Variants in C4orf51 observed in about 807,000 individuals in gnomAD.
C4orf51 encodes the protein uncharacterized protein C4orf51.
C4orf51 carries 25 observed loss-of-function variants against 25.2 expected under a neutral mutation model. The ratio of observed to expected loss-of-function variants is 0.99; its 90% CI spans 0.72 to 1.39. The LOEUF (loss-of-function observed/expected upper bound fraction) is 1.39. C4orf51 is among the 40% of genes most tolerant of loss of function. The pLI, the probability that C4orf51 is intolerant of heterozygous loss-of-function variation, is 0.00. For missense variants in C4orf51, 252 were observed against 239.6 expected (o/e 1.05, Z -0.34); for synonymous variants, 100 against 84.5 (o/e 1.18, Z -1.01).
the C4orf51 span, among the ~76,000 whole-genome samples, chr4:145,777,518 T>C: frequency 6.6e-6 from 1 of 152,228 alleles, no homozygotes; most frequent in Non-Finnish European, 1.5e-5. Flanking sequence ...GGGTCAATTT[T>C]AGTCATTCTG....
At position 145,765,842 on chromosome 4, in the gene C4orf51, G is replaced by A. The variant is rs1735204835; in HGVS notation, n.167-5146G>A. The A allele has an allele frequency of 3.3e-6, 4 of 1,196,302 alleles. No individual in the cohort carries two copies. Among genetic ancestry groups the A allele is most frequent in the African/African-American group, 3.1e-5 (2 of 65,284 alleles). The allele number at this position is 1,196,302 out of a possible 1,614,324, so 74.1% of individuals were successfully genotyped here. A position where few individuals can be genotyped will look rare whatever the true frequency, so the allele number is the denominator to read the frequency against. ...AGTCTCATGGATGCATCATCATTCTGGGGGCACAGGCTCATGTCCCCAGCT... is the reference window on the plus strand; with the variant it reads ...AGTCTCATGGATGCATCATCATTCTAGGGGCACAGGCTCATGTCCCCAGCT... On this transcript the variant is annotated intron_variant and non_coding_transcript_variant, in intron 1 of 1. Coordinates refer to the C4orf51 transcript ENST00000510096. This position sits in a 1 kb window ranked among gnomAD's most constrained non-coding sequence, Gnocchi z 4.7.
intron 2 of C4orf51, among the ~76,000 whole-genome samples, chr4:145,724,684 C>T (rs1731940981): frequency 6.6e-6 from 1 of 151,746 alleles, no homozygotes; most frequent in African/African-American, 2.4e-5. Context: ...GAGTTCGAGA[C>T]CAGCCTGGGT....
At chr4:145,769,240 A>T (rs1178962582) in intron 1 of C4orf51, among the ~76,000 whole-genome samples, 1 of 150,494 alleles carries the variant, frequency 6.6e-6, no homozygotes, top group African/African-American at 2.5e-5. Context: ...ATGACTTTAG[A>T]CTACAGACTT....
rs116230695 is a variant in C4orf51, at chr4:145,738,152, T to A, written n.167+5533T>A. Among the ~76,000 whole-genome samples, 1,022 of 152,220 alleles carry A rather than the reference T, an allele frequency of 6.7e-3. 10 individuals are homozygous for A. The highest frequency in any genetic ancestry group is 0.023 in the African/African-American group (956 of 41,544). On this transcript the variant is annotated intron_variant and non_coding_transcript_variant, in intron 1 of 1. Coordinates refer to the C4orf51 transcript ENST00000508981. ...ACTTTTTAAGCTCTTTGGATGCATA[T>A]TAAAAATATACTCCCAGCAGGGCTC... is the stretch of plus-strand genomic sequence containing the variant.
At chr4:145,760,755 T>G in intron 1 of C4orf51, 3 of 1,034,312 alleles carry the variant, frequency 2.9e-6, no homozygotes, top group Non-Finnish European at 3.5e-6. Flanking sequence ...GTCTCTCTGT[T>G]TTTGGTACAG....
chr4:145,689,182 A>G (rs1729371130), intron 1 of C4orf51, among the ~76,000 whole-genome samples: 1 of 152,240 alleles, frequency 6.6e-6, no homozygotes, highest in Non-Finnish European at 1.5e-5. Context: ...AGATGACAAT[A>G]TGGAGAATAT....
At chr4:145,715,170 G>A (rs1259458536) in intron 2 of C4orf51, among the ~76,000 whole-genome samples, 1 of 152,188 alleles carries the variant, frequency 6.6e-6, no homozygotes, top group East Asian at 1.9e-4. Flanking sequence ...GCCAGTTGGG[G>A]TGGTCTGCAT....
chr4:145,725,666 A>C (rs1469179550), intron 2 of C4orf51, among the ~76,000 whole-genome samples: 1 of 152,192 alleles, frequency 6.6e-6, no homozygotes, highest in African/African-American at 2.4e-5. Context: ...GTGTTAAGTT[A>C]AAGAAGTCAG....
In C4orf51 at chr4:145,765,804, GGGTGACGA is replaced by G. The variant is rs1560889555; in HGVS notation, n.167-5182_167-5175del. The G allele has an allele frequency of 9.2e-6, 14 of 1,521,224 alleles. No homozygotes were observed. The highest frequency in any genetic ancestry group is 1.1e-5 in the Non-Finnish European group (12 of 1,119,788). 94.2% of individuals were successfully genotyped at this position (1,521,224 alleles called of 1,614,324 possible). A position where few individuals can be genotyped will look rare whatever the true frequency, so the allele number is the denominator to read the frequency against. On this transcript the variant is annotated intron_variant and non_coding_transcript_variant, in intron 1 of 1. Transcript: ENST00000510096. The surrounding 1 kb of genome is among the most constrained non-coding windows in gnomAD (Gnocchi z 4.7). ...AAATCCTCAGAATTATAGCAACTGA[GGGTGACGA>G]GTTGAGTCTCATGGATGCATCATCA...
chr4:145,782,155 C>T, the C4orf51 span, among the ~76,000 whole-genome samples: 1 of 152,354 alleles, frequency 6.6e-6, no homozygotes, highest in East Asian at 1.9e-4. Context: ...GCTCTCCCCA[C>T]CTCATGTTTG....
At chr4:145,724,917 A>G (rs768096411) in intron 2 of C4orf51, among the ~76,000 whole-genome samples, 1 of 150,856 alleles carries the variant, frequency 6.6e-6, no homozygotes, top group South Asian at 2.1e-4. Context: ...AGAAAAGAAG[A>G]AAAGAGTTAA....
At chr4:145,700,432 A>C (rs527817017) in intron 2 of C4orf51, among the ~76,000 whole-genome samples, 1 of 152,018 alleles carries the variant, frequency 6.6e-6, no homozygotes, top group Non-Finnish European at 1.5e-5. Context: ...CTGTGTTCTT[A>C]AGAACTTAAA....
chr4:145,708,568 C>T (rs770029574), intron 2 of C4orf51, among the ~76,000 whole-genome samples: 2 of 152,206 alleles, frequency 1.3e-5, no homozygotes, highest in Non-Finnish European at 2.9e-5. Flanking sequence ...TACCCTTCAC[C>T]TTGGTCCCAT....
intron 1 of C4orf51, among the ~76,000 whole-genome samples, chr4:145,751,656 T>TAC (rs1733682990): frequency 6.6e-6 from 1 of 152,184 alleles, no homozygotes; most frequent in African/African-American, 2.4e-5. Flanking sequence ...TGTACTTATG[T>TAC]TTGCTCAGGG....
chr4:145,686,164 T>C (rs974021477), intron 1 of C4orf51, among the ~76,000 whole-genome samples: 3 of 152,096 alleles, frequency 2.0e-5, no homozygotes, highest in African/African-American at 4.8e-5. Flanking sequence ...AAGTCAGACA[T>C]AAAAAGACAA....
chr4:145,719,381 G>A (rs28665030), intron 2 of C4orf51, among the ~76,000 whole-genome samples: 17,165 of 152,096 alleles, frequency 0.11, 1,194 homozygotes, highest in African/African-American at 0.18. Flanking sequence ...CGAGGCAGGC[G>A]GATCACGAGG....
chr4:145,716,937 A>G (rs1731450393), intron 2 of C4orf51, among the ~76,000 whole-genome samples: 1 of 152,224 alleles, frequency 6.6e-6, no homozygotes. Context: ...CCTTTGCAGT[A>G]AAGAACATAA....
At chr4:145,737,534 G>T (rs1164152927), downstream of C4orf51, among the ~76,000 whole-genome samples, 1 of 151,304 alleles carries the variant, frequency 6.6e-6, no homozygotes, top group Non-Finnish European at 1.5e-5. Flanking sequence ...CACATCTTTG[G>T]TAGATTTTCT....
intron 2 of C4orf51, among the ~76,000 whole-genome samples, chr4:145,709,372 G>A (rs1731009040): frequency 6.6e-6 from 1 of 152,232 alleles, no homozygotes; most frequent in Non-Finnish European, 1.5e-5. Context: ...GGCAGAGCCA[G>A]GGTTCCAATT....
Sources: gnomAD v4.1 joint callset for allele counts (sites outside exome capture counted in the v4.1 genomes callset) on GRCh38, gnomAD v4.1.1 for gene constraint, Gnocchi (gnomAD v3.1) non-coding constraint, MANE v1.5 for transcripts, NCBI Gene and HGNC (gene_info 2026-07-23, HGNC 2026-07-21) for gene names.